The following STX11 variants were observed in gnomAD, a reference collection of about 807,000 sequenced individuals.
STX11 encodes syntaxin 11, also known as syntaxin-11.
STX11 carries 21 observed loss-of-function variants against 19.9 expected under a neutral mutation model. That is an observed-to-expected ratio of 1.06 (90% confidence interval 0.75 to 1.52). The LOEUF is 1.52. Among genes scored for constraint, STX11 ranks in the 40% most tolerant of loss-of-function variants. STX11 has a pLI of 0.00. For missense variants in STX11, 438 were observed against 405.9 expected (o/e 1.08, Z -0.68); for synonymous variants, 193 against 174.4 (o/e 1.11, Z -0.84).
At chr6:144,146,412 A>G (rs1196375974), upstream of STX11, among the ~76,000 whole-genome samples, 1 of 152,216 alleles carries the variant, frequency 6.6e-6, no homozygotes, top group Non-Finnish European at 1.5e-5. The surrounding 1 kb of genome is among the most constrained non-coding windows in gnomAD (Gnocchi z 4.4). Context: ...GAGCAGATCA[A>G]TTGCGGAAGA....
At chr6:144,149,250 G>A (rs1422210717), upstream of STX11, among the ~76,000 whole-genome samples, 3 of 152,108 alleles carry the variant, frequency 2.0e-5, no homozygotes, top group Non-Finnish European at 4.4e-5. This position sits in a 1 kb window ranked among gnomAD's most constrained non-coding sequence, Gnocchi z 5.1. Flanking sequence ...GAATTATTCT[G>A]TATAGGAGAT....
chr6:144,152,571 C>G lies in STX11; in HGVS notation c.-6+1868C>G, dbSNP rs1168312845. 1.3e-5 allele frequency among the ~76,000 whole-genome samples: 2 copies of G among 152,212 alleles called. No individual in the cohort carries two copies. The highest frequency in any genetic ancestry group is 1.3e-4 in the Admixed American group (2 of 15,288). On this transcript the variant is annotated intron_variant, in intron 1 of 1. Coordinates refer to ENST00000367568, the MANE Select transcript of STX11 (RefSeq NM_003764.4). The surrounding 1 kb of genome is among the most constrained non-coding windows in gnomAD (Gnocchi z 4.9). Reference sequence around the variant, plus strand: ...GCTGATTATCACCCCTGGACAATTGCAGTCACCTTTAGTTAACAGCATGAC... The same window carrying G: ...GCTGATTATCACCCCTGGACAATTGGAGTCACCTTTAGTTAACAGCATGAC...
Position 144,187,068 on chromosome 6 carries a change from C to A in STX11, c.441C>A (p.Asn147Lys). The A allele has an allele frequency of 6.2e-7, 1 of 1,613,522 alleles. No homozygotes were observed. The highest frequency in any genetic ancestry group is 8.5e-7 in the Non-Finnish European group (1 of 1,179,996). ...TCCAGCGCGCCATGCACGACTACAA[C>A]CAGGCCGAGATGAAGCAGCGCGACA... ...LTFQRAMHDYNQAEMKQRDNC... is the reference protein window; with the variant it reads ...LTFQRAMHDYKQAEMKQRDNC... Residue 147 changes from asparagine (N) to lysine (K), a missense_variant, in exon 2 of 2, where the codon AAC (asparagine) becomes AAA (lysine). Asn to Lys is a moderately conservative substitution (Grantham distance 94, BLOSUM62 0). Transcript: ENST00000367568. The surrounding 1 kb of genome is among the most constrained non-coding windows in gnomAD (Gnocchi z 5.6).
chr6:144,155,099 T>G lies in STX11; in HGVS notation c.-6+4396T>G, dbSNP rs780712249. Among the ~76,000 whole-genome samples the G allele has an allele frequency of 6.6e-6, 1 of 152,234 alleles. No individual in the cohort carries two copies. Among genetic ancestry groups the G allele is most frequent in the Non-Finnish European group, 1.5e-5 (1 of 68,046 alleles). ...ACTGGAATAATCAGACCTTTTCTCC[T>G]GGGAATTTACATTTTAATGGAGACT... On this transcript the variant is annotated intron_variant, in intron 1 of 1. Transcript: ENST00000367568. This position sits in a 1 kb window ranked among gnomAD's most constrained non-coding sequence, Gnocchi z 4.5.
In STX11 at chr6:144,174,530, C is replaced by T. The variant is rs111562790; in HGVS notation, c.-5-12093C>T. On this transcript the variant is annotated intron_variant, in intron 1 of 1. Coordinates refer to ENST00000367568, the MANE Select transcript of STX11 (RefSeq NM_003764.4). The surrounding 1 kb of genome is among the most constrained non-coding windows in gnomAD (Gnocchi z 5.3). The stretch of plus-strand genomic sequence containing the variant: ...GACTGCAGGTGTGCACCACCACACC[C>T]GGCTAATTTTTGTGTTTTTGTAGAG... 9.9e-3 allele frequency among the ~76,000 whole-genome samples: 1,505 copies of T among 152,056 alleles called. 21 individuals carry two copies. Among genetic ancestry groups the T allele is most frequent in the African/African-American group, 0.034 (1,408 of 41,484 alleles).
chr6:144,164,033 A>T (rs540543539), intron 1 of STX11, among the ~76,000 whole-genome samples: 1 of 152,164 alleles, frequency 6.6e-6, no homozygotes, highest in Non-Finnish European at 1.5e-5. Context: ...AAGGACTGGG[A>T]CCACCTATGT....
chr6:144,141,534 T>G, the STX11 span, among the ~76,000 whole-genome samples: 1 of 152,228 alleles, frequency 6.6e-6, no homozygotes, highest in Non-Finnish European at 1.5e-5. Flanking sequence ...GAGAGTTATC[T>G]GTTGCATTCT....
chr6:144,145,518 T>C (rs773308573), upstream of STX11, among the ~76,000 whole-genome samples: 27 of 152,132 alleles, frequency 1.8e-4, no homozygotes, highest in Admixed American at 7.2e-4. Flanking sequence ...CAACAGTGGA[T>C]GAATGGATAA....
the STX11 span, among the ~76,000 whole-genome samples, chr6:144,140,279 G>T: frequency 7.7e-6 from 1 of 129,580 alleles, no homozygotes. Flanking sequence ...TTTTGAGAAA[G>T]AATCTCACTC....
chr6:144,169,725 A>C lies in STX11; in HGVS notation c.-5-16898A>C, dbSNP rs1801578917. ...CCTACCTATGAGGTCTTGCTCTGTC[A>C]CCCAGGCTGGAGTGCAGTGGCACAA... On this transcript the variant is annotated intron_variant, in intron 1 of 1. Transcript: ENST00000367568. This position sits in a 1 kb window ranked among gnomAD's most constrained non-coding sequence, Gnocchi z 5.2. Among the ~76,000 whole-genome samples the C allele has an allele frequency of 7.5e-6, 1 of 133,016 alleles. No homozygotes were observed. Among genetic ancestry groups the C allele is most frequent in the Admixed American group, 9.0e-5 (1 of 11,146 alleles). The allele number at this position is 133,016 out of a possible 152,430, so 87.3% of individuals were successfully genotyped here.
chr6:144,143,165 C>T, the STX11 span, among the ~76,000 whole-genome samples: 5 of 152,170 alleles, frequency 3.3e-5, no homozygotes, highest in East Asian at 1.9e-4. Flanking sequence ...TTCTAGTCTG[C>T]GTGTACTGGA....
rs1440334248 is a variant in STX11 at position 144,182,912 on chromosome 6, T to C, written c.-5-3711T>C. On this transcript the variant is annotated intron_variant, in intron 1 of 1. Coordinates refer to ENST00000367568, the MANE Select transcript of STX11 (RefSeq NM_003764.4). The surrounding 1 kb of genome is among the most constrained non-coding windows in gnomAD (Gnocchi z 4.8). Reference sequence around the variant, plus strand: ...CATCCACTTGTTGCATGGTAGACTATATTGGGTACTAACTTAAGCAGATGG... The same window carrying C: ...CATCCACTTGTTGCATGGTAGACTACATTGGGTACTAACTTAAGCAGATGG... Among the ~76,000 whole-genome samples, 2 of 152,196 alleles carry C rather than the reference T, an allele frequency of 1.3e-5. No homozygotes were observed. Among genetic ancestry groups the C allele is most frequent in the Non-Finnish European group, 2.9e-5 (2 of 68,034 alleles).
At chr6:144,181,590 C>A in intron 1 of STX11, among the ~76,000 whole-genome samples, 2 of 75,666 alleles carry the variant, frequency 2.6e-5, no homozygotes, top group Admixed American at 1.6e-4. Flanking sequence ...GCAAGACCAC[C>A]TCAAAAAAAA....
the STX11 span, among the ~76,000 whole-genome samples, chr6:144,140,243 TATATA>T: frequency 2.0e-5 from 1 of 50,938 alleles, no homozygotes; most frequent in African/African-American, 1.5e-4. Flanking sequence ...TATATATATA[TATATA>T]TATATATTTA....
In STX11 at chr6:144,151,153, GTCAC is replaced by G. The variant is rs1428796137; in HGVS notation, c.-6+454_-6+457del. 2.4e-6 allele frequency: 2 copies of G among 821,660 alleles called. No individual in the cohort carries two copies. Among genetic ancestry groups the G allele is most frequent in the Non-Finnish European group, 2.9e-6 (2 of 680,688 alleles). 50.9% of individuals were successfully genotyped at this position (821,660 alleles called of 1,614,324 possible). On this transcript the variant is annotated intron_variant, in intron 1 of 1. Coordinates refer to ENST00000367568, the MANE Select transcript of STX11 (RefSeq NM_003764.4). This position sits in a 1 kb window ranked among gnomAD's most constrained non-coding sequence, Gnocchi z 4.6. ...TACTTCTTGACTTGAACTTGGCGGT[GTCAC>G]TCAGTAGCCAGGAAAGACGGAGAAA...
At chr6:144,141,166 T>C in the STX11 span, among the ~76,000 whole-genome samples, 14 of 152,330 alleles carry the variant, frequency 9.2e-5, no homozygotes, top group Middle Eastern at 3.4e-3. Flanking sequence ...GAAAAATTGG[T>C]TTCCATAAAG....
intron 1 of STX11, among the ~76,000 whole-genome samples, chr6:144,178,216 A>G (rs1474401965): frequency 2.0e-5 from 3 of 152,308 alleles, no homozygotes; most frequent in South Asian, 2.1e-4. Flanking sequence ...TCTCAACTCC[A>G]TAACTGTATG....
chr6:144,140,403 C>T, the STX11 span, among the ~76,000 whole-genome samples: 20 of 151,284 alleles, frequency 1.3e-4, no homozygotes, highest in Non-Finnish European at 2.1e-4. Flanking sequence ...TACAGGCGCA[C>T]GCCACCACGC....
chr6:144,143,777 A>G, the STX11 span, among the ~76,000 whole-genome samples: 1 of 152,156 alleles, frequency 6.6e-6, no homozygotes, highest in African/African-American at 2.4e-5. Context: ...ACACATGCTG[A>G]TACTATACAA....
Sources: allele counts gnomAD v4.1 joint callset (sites outside exome capture counted in the v4.1 genomes callset), GRCh38; gene constraint gnomAD v4.1.1; non-coding constraint Gnocchi (gnomAD v3.1); transcripts MANE v1.5; gene names NCBI Gene and HGNC (gene_info 2026-07-23, HGNC 2026-07-21).